Variants in RNF38 observed in about 807,000 individuals in gnomAD.
RNF38 encodes ring finger protein 38, also known as E3 ubiquitin-protein ligase RNF38.
A neutral mutation model predicts 67.2 loss-of-function variants in RNF38; 15 were observed. The ratio of observed to expected loss-of-function variants is 0.22; its 90% confidence interval spans 0.15 to 0.34. The LOEUF is 0.34. RNF38 is among the 10% of genes least tolerant of loss of function. The pLI, the probability that RNF38 is intolerant of heterozygous loss-of-function variation, is 1.00. For synonymous variants in RNF38, 220 were observed against 218.8 expected (o/e 1.01, Z -0.05); for missense variants, 524 against 639.9 (o/e 0.82, Z 1.95).
intron 2 of RNF38, among the ~76,000 whole-genome samples, chr9:36,423,269 G>A (rs1838673895): frequency 6.6e-6 from 1 of 152,188 alleles, no homozygotes; most frequent in South Asian, 2.1e-4. Flanking sequence ...ACTCTGGAAT[G>A]CTATAAGCTA....
At position 36,400,158 on chromosome 9, in the gene RNF38, A is replaced by G. The variant is rs1384943890; in HGVS notation, c.-50T>C. On this transcript the variant is annotated 5_prime_UTR_variant, in exon 1 of 12. Transcript: ENST00000259605. ...TCTTTTTGGACCTCAATAACCTGAAACACTCCCGTTTCAAAAACCAACCTC... is the reference window on the plus strand; with the variant it reads ...TCTTTTTGGACCTCAATAACCTGAAGCACTCCCGTTTCAAAAACCAACCTC... The G allele has an allele frequency of 5.6e-6, 9 of 1,605,792 alleles. No individual in the cohort carries two copies. Among genetic ancestry groups the G allele is most frequent in the Non-Finnish European group, 7.6e-6 (9 of 1,176,508 alleles).
chr9:36,467,096 T>C (rs1253337341), intron 1 of RNF38, among the ~76,000 whole-genome samples: 3 of 135,414 alleles, frequency 2.2e-5, no homozygotes, highest in Admixed American at 7.8e-5. Flanking sequence ...GGAGAATCAT[T>C]TGAACCCAGG....
upstream of RNF38, chr9:36,400,502 C>A: frequency 4.0e-6 from 4 of 1,000,558 alleles, no homozygotes; most frequent in Non-Finnish European, 4.8e-6. Context: ...TCTCAACGGC[C>A]CGCAGCCCGT....
chr9:36,399,822 T>C (rs978306687), intron 1 of RNF38, among the ~76,000 whole-genome samples: 6 of 152,064 alleles, frequency 3.9e-5, no homozygotes, highest in Admixed American at 1.3e-4. Flanking sequence ...TTGAAAAAAA[T>C]TTACGGTAAA....
At chr9:36,390,382 T>G in intron 2 of RNF38, 85 bp downstream of exon 2, 1 of 1,133,348 alleles carries the variant, frequency 8.8e-7, no homozygotes, top group Non-Finnish European at 1.2e-6. Flanking sequence ...GAGACGATAT[T>G]GGGCATTTTG....
chr9:36,483,154 A>AG (rs1375984430), intron 1 of RNF38, among the ~76,000 whole-genome samples: 1 of 152,160 alleles, frequency 6.6e-6, no homozygotes, highest in Non-Finnish European at 1.5e-5. Context: ...TGGAAGGCCG[A>AG]GGCAGGCTGA....
intron 1 of RNF38, among the ~76,000 whole-genome samples, chr9:36,431,254 G>A (rs887892743): frequency 2.0e-5 from 3 of 152,172 alleles, no homozygotes; most frequent in Non-Finnish European, 2.9e-5. Flanking sequence ...ATCGTTGTGC[G>A]AACATCATAC....
chr9:36,352,420 T>C (rs1833764933), intron 8 of RNF38, among the ~76,000 whole-genome samples: 1 of 152,148 alleles, frequency 6.6e-6, no homozygotes, highest in South Asian at 2.1e-4. Flanking sequence ...CCTTTCTCCC[T>C]AAGAAAAACA....
chr9:36,374,392 T>C (rs1045587852), intron 3 of RNF38, among the ~76,000 whole-genome samples: 4 of 152,200 alleles, frequency 2.6e-5, no homozygotes, highest in African/African-American at 4.8e-5. Context: ...GGTACCAACA[T>C]AGTCGGTTTT....
At chr9:36,371,927 T>C (rs1244505769) in intron 3 of RNF38, among the ~76,000 whole-genome samples, 1 of 150,496 alleles carries the variant, frequency 6.6e-6, no homozygotes, top group Non-Finnish European at 1.5e-5. Context: ...AACTCACTTT[T>C]TCTTTTCTTT....
intron 1 of RNF38, among the ~76,000 whole-genome samples, chr9:36,394,136 G>A (rs1167189744): frequency 4.6e-5 from 7 of 152,292 alleles, no homozygotes; most frequent in Admixed American, 2.0e-4. Flanking sequence ...TTAGCTGGGC[G>A]TGGTGGCGCA....
At chr9:36,351,887 G>A (rs960518198) in intron 8 of RNF38, among the ~76,000 whole-genome samples, 1 of 152,192 alleles carries the variant, frequency 6.6e-6, no homozygotes, top group Non-Finnish European at 1.5e-5. Context: ...CATATGACTA[G>A]AGCCTGAGAG....
chr9:36,379,147 G>A lies in RNF38; in HGVS notation c.163-3020C>T, dbSNP rs564429212. On this transcript the variant is annotated intron_variant, in intron 2 of 11. Transcript: ENST00000259605. ...ACTCTCGACCTCAGGTGATCCGACC[G>A]CCTTGGCCTCCCAAAGTGTTGGGAT... Among the ~76,000 whole-genome samples, 586 of 152,234 alleles carry A rather than the reference G, an allele frequency of 3.8e-3. 3 individuals are homozygous for A. Among genetic ancestry groups the A allele is most frequent in the African/African-American group, 0.012 (499 of 41,546 alleles).
intron 1 of RNF38, among the ~76,000 whole-genome samples, chr9:36,479,769 A>T (rs1175344005): frequency 1.3e-5 from 2 of 152,176 alleles, no homozygotes; most frequent in Non-Finnish European, 2.9e-5. Context: ...TTAATAAGAT[A>T]GCACAAAAGC....
intron 1 of RNF38, among the ~76,000 whole-genome samples, chr9:36,468,605 A>C (rs576302980): frequency 3.3e-5 from 5 of 152,256 alleles, no homozygotes; most frequent in African/African-American, 1.2e-4. Flanking sequence ...TGAGGTTAGG[A>C]GTTTGACACC....
Position 36,339,493 on chromosome 9 carries a change from G to T in RNF38, c.*259C>A. The T allele has an allele frequency of 2.3e-6, 1 of 437,460 alleles. No homozygotes were observed. The highest frequency in any genetic ancestry group is 4.1e-6 in the Non-Finnish European group (1 of 241,428). 27.1% of individuals were successfully genotyped at this position (437,460 alleles called of 1,614,324 possible). A position where few individuals can be genotyped will look rare whatever the true frequency, so the allele number is the denominator to read the frequency against. Reference sequence around the variant, plus strand: ...ACTCGGAATGATCACACAAAAACCAGGGAATGTTAGTGCACACACAAAATT... The same window carrying T: ...ACTCGGAATGATCACACAAAAACCATGGAATGTTAGTGCACACACAAAATT... On this transcript the variant is annotated 3_prime_UTR_variant, in exon 12 of 12. Transcript: ENST00000259605.
At chr9:36,457,723 C>T (rs756350360) in intron 1 of RNF38, among the ~76,000 whole-genome samples, 1 of 151,966 alleles carries the variant, frequency 6.6e-6, no homozygotes, top group Non-Finnish European at 1.5e-5. Flanking sequence ...GCCTGGCTAA[C>T]ATGGTGAAAC....
chr9:36,398,535 T>A (rs1001769265), intron 1 of RNF38, among the ~76,000 whole-genome samples: 1 of 152,262 alleles, frequency 6.6e-6, no homozygotes, highest in Admixed American at 6.5e-5. Context: ...AGAGTTCAAG[T>A]ATTAATGCTT....
chr9:36,361,296 T>TGC (rs1175224359), intron 4 of RNF38, among the ~76,000 whole-genome samples: 1 of 151,934 alleles, frequency 6.6e-6, no homozygotes, highest in African/African-American at 2.4e-5. Context: ...GGACTACAGG[T>TGC]GCCTGCCACC....
Sources: allele counts gnomAD v4.1 joint callset (sites outside exome capture counted in the v4.1 genomes callset), GRCh38; gene constraint gnomAD v4.1.1; transcripts MANE v1.5; gene names NCBI Gene and HGNC (gene_info 2026-07-23, HGNC 2026-07-21).